KYNU: variants seen among roughly 807,000 people sequenced by gnomAD.
The protein encoded by KYNU is kynureninase.
In KYNU, 54 loss-of-function variants were observed where a neutral mutation model predicts 59.2. The observed-to-expected ratio is 0.91, with a 90% CI of 0.73 to 1.14. The LOEUF (loss-of-function observed/expected upper bound fraction) is 1.14, where lower values mean the gene tolerates loss of function less well. KYNU is among the 50% of genes most tolerant of loss of function. KYNU has a pLI of 0.00. For synonymous variants in KYNU, 177 were observed against 192.0 expected (o/e 0.92, Z 0.65); for missense variants, 567 against 554.4 (o/e 1.02, Z -0.23).
chr2:142,989,220 C>G, intron 10 of KYNU: 1 of 337,196 alleles, frequency 3.0e-6, no homozygotes, highest in Non-Finnish European at 5.0e-6. Flanking sequence ...ACTTTAGAGT[C>G]TGTATGACTA....
At chr2:142,881,048 C>T (rs1681279497) in intron 1 of KYNU, among the ~76,000 whole-genome samples, 1 of 152,158 alleles carries the variant, frequency 6.6e-6, no homozygotes, top group Non-Finnish European at 1.5e-5. Flanking sequence ...CTGAGACATC[C>T]TAACAGGCCT....
chr2:143,040,604 A>G lies in KYNU; in HGVS notation c.1218A>G (p.Thr406=), dbSNP rs770874921. 3 of 1,611,802 alleles carry G rather than the reference A, an allele frequency of 1.9e-6. No individual in the cohort carries two copies. The highest frequency in any genetic ancestry group is 2.5e-6 in the Non-Finnish European group (3 of 1,178,806). ...VEERGCQLTI[T]FSVPNKDVFQ... ...AGCGGGGGTGCCAGCTAACAATAAC[A>G]TTTTCTGTTCCAAACAAAGATGTTT... The change falls in exon 13 of 14, where the codon ACA becomes ACG. Residue 406 remains threonine, a synonymous_variant. Coordinates refer to ENST00000264170, the MANE Select transcript of KYNU (RefSeq NM_003937.3).
At position 142,880,492 on chromosome 2, in the gene KYNU, A is replaced by T. The variant is rs191634578; in HGVS notation, c.-20+2756A>T. ...ACTTCATGCTTTTCATGCTTTAACA[A>T]TCAGTGGTTCTGTTTTACTTTGAAA... is the stretch of plus-strand genomic sequence containing the variant. On this transcript the variant is annotated intron_variant, in intron 1 of 13. Transcript: ENST00000264170. Among the ~76,000 whole-genome samples, 95 of 152,288 alleles carry T rather than the reference A, an allele frequency of 6.2e-4. No individual in the cohort carries two copies. In the Middle Eastern group the frequency reaches 0.01, roughly 16 times the overall value.
chr2:142,887,198 T>C (rs1681547740), intron 2 of KYNU, among the ~76,000 whole-genome samples: 1 of 143,540 alleles, frequency 7.0e-6, no homozygotes, highest in African/African-American at 2.6e-5. Context: ...AACAACAAAA[T>C]AGCATTGTAC....
At chr2:142,926,268 T>TA (rs1300983122) in intron 3 of KYNU, among the ~76,000 whole-genome samples, 1 of 151,998 alleles carries the variant, frequency 6.6e-6, no homozygotes, top group Non-Finnish European at 1.5e-5. Flanking sequence ...TCCCAGAACT[T>TA]AAAGTATAAT....
chr2:142,936,812 T>C (rs760378704), intron 4 of KYNU, among the ~76,000 whole-genome samples: 3 of 152,214 alleles, frequency 2.0e-5, no homozygotes, highest in Non-Finnish European at 4.4e-5. Context: ...GTCTGGCTGC[T>C]GTGGCCTACT....
At chr2:142,904,311 T>C (rs941244465) in intron 2 of KYNU, among the ~76,000 whole-genome samples, 1 of 152,192 alleles carries the variant, frequency 6.6e-6, no homozygotes, top group Non-Finnish European at 1.5e-5. Context: ...AGTTAGCAAA[T>C]GTCTGTGGCA....
chr2:142,996,103 T>G (rs1040867187), intron 10 of KYNU, among the ~76,000 whole-genome samples: 2 of 152,104 alleles, frequency 1.3e-5, no homozygotes, highest in African/African-American at 4.8e-5. Flanking sequence ...AGGGGACTTA[T>G]GAACCCATGC....
chr2:142,902,550 A>G (rs575328583), intron 2 of KYNU, among the ~76,000 whole-genome samples: 1 of 152,126 alleles, frequency 6.6e-6, no homozygotes, highest in African/African-American at 2.4e-5. Context: ...TTTTGGGATG[A>G]GGATAAGCCA....
chr2:142,985,798 A>T, intron 9 of KYNU, 150 bp from the exon 10 acceptor site: 1 of 590,538 alleles, frequency 1.7e-6, no homozygotes, highest in Non-Finnish European at 3.0e-6. Flanking sequence ...AGGTGACCTA[A>T]GCTTCTGTTT....
intron 2 of KYNU, among the ~76,000 whole-genome samples, chr2:142,905,400 C>A (rs925015562): frequency 6.6e-6 from 1 of 152,162 alleles, no homozygotes; most frequent in Non-Finnish European, 1.5e-5. Context: ...TTAATGAATA[C>A]CCATTGTGGT....
At chr2:142,879,518 TAC>T (rs1681218654) in intron 1 of KYNU, 1 of 152,076 alleles carries the variant, frequency 6.6e-6, no homozygotes, top group African/African-American at 2.4e-5. Context: ...GCTGAAGAAA[TAC>T]ACACACGTAC....
chr2:142,976,157 GT>G, intron 8 of KYNU, among the ~76,000 whole-genome samples: 1 of 152,290 alleles, frequency 6.6e-6, no homozygotes, highest in South Asian at 2.1e-4. Flanking sequence ...GTGGAGGGAA[GT>G]TTTATGGGGT....
At chr2:142,941,293 G>T (rs1453733880) in intron 4 of KYNU, among the ~76,000 whole-genome samples, 2 of 152,022 alleles carry the variant, frequency 1.3e-5, no homozygotes, top group Non-Finnish European at 2.9e-5. Flanking sequence ...AATATCCAAG[G>T]GTTTTAGCAG....
intron 11 of KYNU, 56 bp downstream of exon 11, chr2:143,029,735 C>A: frequency 1.9e-6 from 2 of 1,045,504 alleles, no homozygotes; most frequent in South Asian, 1.3e-5. Flanking sequence ...TTTCAATGTT[C>A]ATCTGTCTTT....
At chr2:142,955,764 G>A (rs1008861324) in intron 5 of KYNU, among the ~76,000 whole-genome samples, 2 of 152,000 alleles carry the variant, frequency 1.3e-5, no homozygotes, top group Admixed American at 6.6e-5. Context: ...AAATGAAAGA[G>A]CTTCACTGAA....
rs553404528 is a variant in KYNU at position 142,934,147 on chromosome 2, C to T, written c.373+6406C>T. On this transcript the variant is annotated intron_variant, in intron 4 of 13. Transcript: ENST00000264170. ...AGGGGAGTTTGTTGGGTGGAGTAGG[C>T]GACTGGTGAGGAGGCGAAAATGATA... Among the ~76,000 whole-genome samples, 9 of 152,114 alleles carry T rather than the reference C, an allele frequency of 5.9e-5. No individual in the cohort carries two copies. In the South Asian group the frequency reaches 6.2e-4, roughly 11 times the overall value.
At chr2:143,039,913 T>C (rs1686985390) in intron 12 of KYNU, among the ~76,000 whole-genome samples, 1 of 152,002 alleles carries the variant, frequency 6.6e-6, no homozygotes, top group African/African-American at 2.4e-5. Flanking sequence ...GCCTGGAGAG[T>C]TTCTTCACAA....
At chr2:142,899,689 C>T (rs1487922190) in intron 2 of KYNU, among the ~76,000 whole-genome samples, 3 of 152,160 alleles carry the variant, frequency 2.0e-5, no homozygotes, top group Non-Finnish European at 4.4e-5. Context: ...CTTAGTCATG[C>T]ATCTGGGGCT....
Sources: allele counts gnomAD v4.1 joint callset (sites outside exome capture counted in the v4.1 genomes callset), GRCh38; gene constraint gnomAD v4.1.1; transcripts MANE v1.5; gene names NCBI Gene and HGNC (gene_info 2026-07-23, HGNC 2026-07-21).